The following NRXN1 variants were observed in gnomAD, a reference collection of about 807,000 sequenced individuals.
The protein encoded by NRXN1 is neurexin 1.
Under a neutral mutation model 150.9 loss-of-function variants are expected in NRXN1, and 39 were observed. The observed-to-expected ratio is 0.26, with a 90% confidence interval of 0.20 to 0.34. NRXN1 has a LOEUF of 0.34. Ranked by LOEUF, NRXN1 falls within the 10% of genes least tolerant of loss-of-function variation. NRXN1 has a pLI of 1.00. For missense variants in NRXN1, 1,815 were observed against 1,949.9 expected (o/e 0.93, Z 1.30); for synonymous variants, 924 against 757.0 (o/e 1.22, Z -3.62).
At chr2:50,082,360 G>A (rs936846607) in intron 19 of NRXN1, among the ~76,000 whole-genome samples, 2 of 152,090 alleles carry the variant, frequency 1.3e-5, no homozygotes, top group African/African-American at 2.4e-5. Context: ...ATTATGATAA[G>A]AACTTAAATT....
Position 50,921,857 on chromosome 2 carries a change from A to T in NRXN1, c.832+12T>A. 7.6e-7 allele frequency: 1 copy of T among 1,322,498 alleles called. No individual in the cohort carries two copies. The allele number at this position is 1,322,498 out of a possible 1,614,324, so 81.9% of individuals were successfully genotyped here. ...ACAGATGATATTAAGAAGAAATAAAATAATGTAATACCTTTACTTTTACCT... is the reference window on the plus strand; with the variant it reads ...ACAGATGATATTAAGAAGAAATAAATTAATGTAATACCTTTACTTTTACCT... On this transcript the variant is annotated intron_variant, in intron 5 of 22. Coordinates refer to ENST00000401669, the MANE Select transcript of NRXN1 (RefSeq NM_001330078.2).
At chr2:50,056,298 T>A (rs1693607278) in intron 19 of NRXN1, among the ~76,000 whole-genome samples, 1 of 152,148 alleles carries the variant, frequency 6.6e-6, no homozygotes, top group Non-Finnish European at 1.5e-5. Context: ...TACATTATAC[T>A]TACCACTAAT....
At chr2:50,214,554 G>GA (rs1181431168) in intron 18 of NRXN1, among the ~76,000 whole-genome samples, 1 of 151,800 alleles carries the variant, frequency 6.6e-6, no homozygotes, top group East Asian at 1.9e-4. Flanking sequence ...AGCAGGCACA[G>GA]AAAAAAATCT....
chr2:50,840,878 G>A (rs1672769787), intron 5 of NRXN1, among the ~76,000 whole-genome samples: 1 of 152,116 alleles, frequency 6.6e-6, no homozygotes, highest in South Asian at 2.1e-4. Flanking sequence ...TCTACAGGCA[G>A]GTTGTCAGAA....
At chr2:50,066,952 C>T (rs190206285) in intron 19 of NRXN1, among the ~76,000 whole-genome samples, 99 of 152,284 alleles carry the variant, frequency 6.5e-4, no homozygotes, top group Non-Finnish European at 1.0e-3. Flanking sequence ...TAATGTAATG[C>T]TACAGGAAGA....
chr2:50,772,282 G>A lies in NRXN1; in HGVS notation c.833-148667C>T, dbSNP rs190594231. On this transcript the variant is annotated intron_variant, in intron 5 of 22. Transcript: ENST00000401669. ...AAGTTGGATATATTGCAGGGTTTTC[G>A]AAATTCTTTCCACATTATCTAGGAT... Among the ~76,000 whole-genome samples the A allele has an allele frequency of 6.9e-4, 104 of 151,704 alleles. No homozygotes were observed. In the East Asian group the frequency reaches 0.014, roughly 21 times the overall value.
At chr2:50,525,621 G>C (rs2092930539) in intron 12 of NRXN1, among the ~76,000 whole-genome samples, 1 of 152,198 alleles carries the variant, frequency 6.6e-6, no homozygotes, top group Non-Finnish European at 1.5e-5. Context: ...AGACTCGTCT[G>C]GGATTGTGTG....
At chr2:49,999,978 C>T (rs1683635902) in intron 21 of NRXN1, among the ~76,000 whole-genome samples, 1 of 152,076 alleles carries the variant, frequency 6.6e-6, no homozygotes, top group African/African-American at 2.4e-5. Flanking sequence ...AATCATAAAA[C>T]AAAAGGTATA....
intron 17 of NRXN1, among the ~76,000 whole-genome samples, chr2:50,270,953 C>T (rs754421595): frequency 6.6e-6 from 1 of 152,094 alleles, no homozygotes; most frequent in Non-Finnish European, 1.5e-5. Context: ...GCCACTATGC[C>T]CGGCCATATA....
intron 17 of NRXN1, among the ~76,000 whole-genome samples, chr2:50,331,120 A>G (rs936697651): frequency 9.2e-5 from 14 of 152,314 alleles, no homozygotes; most frequent in African/African-American, 3.4e-4. Flanking sequence ...AATGTTGAAA[A>G]ACCACAAACA....
At chr2:50,779,988 T>G (rs62140595) in intron 5 of NRXN1, among the ~76,000 whole-genome samples, 24,261 of 152,048 alleles carry the variant, frequency 0.16, 2,451 homozygotes, top group Middle Eastern at 0.24. Context: ...CCACCAACAG[T>G]GTAAAAGTGT....
intron 17 of NRXN1, among the ~76,000 whole-genome samples, chr2:50,291,757 T>C (rs1036599557): frequency 1.3e-5 from 2 of 150,556 alleles, no homozygotes; most frequent in Non-Finnish European, 3.0e-5. Flanking sequence ...GATTGGTATG[T>C]CCAGGAACTT....
intron 17 of NRXN1, among the ~76,000 whole-genome samples, chr2:50,437,579 T>C (rs2085552521): frequency 6.6e-6 from 1 of 152,046 alleles, no homozygotes; most frequent in African/African-American, 2.4e-5. Context: ...ATATCATGTG[T>C]TGAGGGGGTG....
intron 5 of NRXN1, among the ~76,000 whole-genome samples, chr2:50,799,427 C>G (rs1217507328): frequency 6.6e-6 from 1 of 152,128 alleles, no homozygotes; most frequent in Non-Finnish European, 1.5e-5. Flanking sequence ...TGTGTGAGAA[C>G]TGTCCAATAA....
intron 6 of NRXN1, among the ~76,000 whole-genome samples, chr2:50,622,686 CAATTA>C (rs1680248964): frequency 6.6e-6 from 1 of 152,026 alleles, no homozygotes; most frequent in African/African-American, 2.4e-5. Context: ...TAAAAAAATA[CAATTA>C]AATAGAAATG....
At chr2:50,986,231 A>G (rs1470559652) in intron 2 of NRXN1, among the ~76,000 whole-genome samples, 3 of 151,792 alleles carry the variant, frequency 2.0e-5, no homozygotes. Flanking sequence ...CAGAAGCTTT[A>G]TATACTGGTA....
chr2:50,489,408 C>A (rs13402266), intron 15 of NRXN1, among the ~76,000 whole-genome samples: 1 of 152,036 alleles, frequency 6.6e-6, no homozygotes, highest in Non-Finnish European at 1.5e-5. Context: ...TGAATCCACA[C>A]AAAGGTGCAG....
At chr2:49,931,508 T>C (rs1670112827) in intron 22 of NRXN1, among the ~76,000 whole-genome samples, 1 of 152,078 alleles carries the variant, frequency 6.6e-6, no homozygotes, top group African/African-American at 2.4e-5. Context: ...AGTTGACAGC[T>C]AACTTGAGCT....
chr2:50,916,674 C>T (rs1273337572), intron 5 of NRXN1: 2 of 151,518 alleles, frequency 1.3e-5, no homozygotes, highest in African/African-American at 2.4e-5. Flanking sequence ...ACAGAGAGTC[C>T]TTTCTGTGCT....
Sources: gnomAD v4.1 joint callset for allele counts (sites outside exome capture counted in the v4.1 genomes callset) on GRCh38, gnomAD v4.1.1 for gene constraint, MANE v1.5 for transcripts, NCBI Gene and HGNC (gene_info 2026-07-23, HGNC 2026-07-21) for gene names.